RARB: variants seen among roughly 807,000 people sequenced by gnomAD.
RARB encodes HBV-activated protein.
RARB carries 17 observed loss-of-function variants against 51.9 expected under a neutral mutation model. That is an observed-to-expected ratio of 0.33 (90% CI 0.22 to 0.49). The LOEUF is 0.49. Among genes scored for constraint, RARB ranks in the 20% least tolerant of loss-of-function variants. The probability of loss-of-function intolerance (pLI) is 0.99; values close to 1 mark genes in which losing one functional copy is unlikely to be tolerated. For synonymous variants in RARB, 215 were observed against 195.4 expected (o/e 1.10, Z -0.84); for missense variants, 369 against 550.8 (o/e 0.67, Z 3.30).
chr3:25,592,647 C>T (rs1047546128), intron 5 of RARB, among the ~76,000 whole-genome samples: 6 of 152,228 alleles, frequency 3.9e-5, no homozygotes, highest in African/African-American at 1.4e-4. Flanking sequence ...TCCTTAGTAG[C>T]TAGCGCCCCA....
intron 5 of RARB, among the ~76,000 whole-genome samples, chr3:25,189,544 G>A (rs1701049348): frequency 1.3e-5 from 2 of 152,220 alleles, no homozygotes; most frequent in South Asian, 4.1e-4. Flanking sequence ...ACAGGTGATG[G>A]AAGATGTACA....
intron 3 of RARB, among the ~76,000 whole-genome samples, chr3:25,502,307 A>G (rs569053971): frequency 1.3e-5 from 2 of 152,202 alleles, no homozygotes; most frequent in Non-Finnish European, 2.9e-5. Flanking sequence ...TTATGAATCA[A>G]GGGCTCTTAG....
chr3:25,359,827 G>A (rs1429320590), intron 5 of RARB, among the ~76,000 whole-genome samples: 1 of 152,196 alleles, frequency 6.6e-6, no homozygotes, highest in Non-Finnish European at 1.5e-5. Context: ...TGATTGTACT[G>A]TGGTCTGAGA....
At chr3:25,006,100 T>C (rs899459321) in intron 2 of RARB, among the ~76,000 whole-genome samples, 5 of 152,128 alleles carry the variant, frequency 3.3e-5, no homozygotes, top group Admixed American at 3.3e-4. Context: ...TCTTTTGGTC[T>C]TTACTCAAAT....
At chr3:25,393,682 T>C (rs994790642) in intron 5 of RARB, among the ~76,000 whole-genome samples, 9 of 152,120 alleles carry the variant, frequency 5.9e-5, no homozygotes, top group African/African-American at 2.2e-4. Flanking sequence ...CATAAAGGTG[T>C]TCTAGTTTGT....
chr3:25,095,967 G>A (rs1015818218), intron 3 of RARB, among the ~76,000 whole-genome samples: 32 of 152,146 alleles, frequency 2.1e-4, no homozygotes, highest in African/African-American at 7.5e-4. Flanking sequence ...CACCGCCGGG[G>A]AAGTGAAGGG....
At chr3:25,547,720 A>G (rs1438550332) in intron 3 of RARB, among the ~76,000 whole-genome samples, 1 of 152,144 alleles carries the variant, frequency 6.6e-6, no homozygotes, top group Non-Finnish European at 1.5e-5. Context: ...TTGTTTATGG[A>G]TGGATGTATG....
intron 5 of RARB, among the ~76,000 whole-genome samples, chr3:25,337,302 A>G (rs577531606): frequency 8.5e-5 from 13 of 152,336 alleles, no homozygotes; most frequent in African/African-American, 2.6e-4. Context: ...AAAGTATTGT[A>G]TGTATAAACA....
chr3:25,488,938 GTA>G (rs1696597162), intron 2 of RARB, among the ~76,000 whole-genome samples: 1 of 152,174 alleles, frequency 6.6e-6, no homozygotes, highest in South Asian at 2.1e-4. Context: ...TCTCTCCAGT[GTA>G]ATCAAAAGGC....
At chr3:25,440,301 G>A (rs1437767599) in intron 1 of RARB, among the ~76,000 whole-genome samples, 1 of 151,750 alleles carries the variant, frequency 6.6e-6, no homozygotes, top group Non-Finnish European at 1.5e-5. Flanking sequence ...AAAGAATTAT[G>A]TGGCCGTGGT....
intron 5 of RARB, among the ~76,000 whole-genome samples, chr3:25,189,392 T>C (rs1322278537): frequency 6.6e-6 from 1 of 152,110 alleles, no homozygotes; most frequent in Non-Finnish European, 1.5e-5. Flanking sequence ...TGAGAAACCA[T>C]GAATCTGAAG....
At chr3:25,007,712 A>G (rs1233265929) in intron 2 of RARB, among the ~76,000 whole-genome samples, 1 of 151,876 alleles carries the variant, frequency 6.6e-6, no homozygotes, top group African/African-American at 2.4e-5. Context: ...TCAAGTACCC[A>G]CCACACAATA....
chr3:24,985,652 G>C (rs927948520), intron 2 of RARB, among the ~76,000 whole-genome samples: 1 of 152,122 alleles, frequency 6.6e-6, no homozygotes, highest in Non-Finnish European at 1.5e-5. Context: ...TGGAAAAAGG[G>C]GGTTTGGAAA....
chr3:25,066,643 C>A (rs1335187695), intron 3 of RARB, among the ~76,000 whole-genome samples: 2 of 151,882 alleles, frequency 1.3e-5, no homozygotes, highest in African/African-American at 4.8e-5. Context: ...CTTTCTCTCT[C>A]TTACCCTGTC....
In RARB at chr3:25,309,486, CTTTTTTTTTTTTTTT is replaced by C. The variant is rs149976069; in HGVS notation, c.178+134926_178+134940del. ...CTGATTCCTTAACATCTCATAGTTG[CTTTTTTTTTTTTTTT>C]TTTTTTTTTTTTTTGAGATAGAGTC... On this transcript the variant is annotated intron_variant, in intron 5 of 11. Coordinates refer to the RARB transcript ENST00000383772. Among the ~76,000 whole-genome samples the C allele has an allele frequency of 6.9e-5, 4 of 58,084 alleles. 1 individual carries two copies. The highest frequency in any genetic ancestry group is 1.3e-4 in the Non-Finnish European group (4 of 31,102). 38.1% of individuals were successfully genotyped at this position (58,084 alleles called of 152,430 possible). A position where few individuals can be genotyped will look rare whatever the true frequency, so the allele number is the denominator to read the frequency against.
At chr3:25,378,438 C>T (rs1706527975) in intron 5 of RARB, among the ~76,000 whole-genome samples, 1 of 152,144 alleles carries the variant, frequency 6.6e-6, no homozygotes, top group South Asian at 2.1e-4. Flanking sequence ...TTGGCTTCAT[C>T]CTATACCCCT....
chr3:25,498,742 A>C (rs924258096), intron 2 of RARB, among the ~76,000 whole-genome samples: 1 of 152,176 alleles, frequency 6.6e-6, no homozygotes, highest in Non-Finnish European at 1.5e-5. Context: ...ACCTTTGTCC[A>C]TACCTCATTT....
intron 5 of RARB, among the ~76,000 whole-genome samples, chr3:25,234,069 G>A (rs771880515): frequency 2.0e-5 from 3 of 151,970 alleles, no homozygotes; most frequent in South Asian, 2.1e-4. Context: ...TAATGTTGGC[G>A]TCATTAACAG....
chr3:25,000,459 T>C (rs1460304333), intron 2 of RARB, among the ~76,000 whole-genome samples: 1 of 152,188 alleles, frequency 6.6e-6, no homozygotes, highest in Non-Finnish European at 1.5e-5. Context: ...TTTTGCATTT[T>C]CTTTTATCTT....
Sources: allele counts gnomAD v4.1 joint callset (sites outside exome capture counted in the v4.1 genomes callset), GRCh38; gene constraint gnomAD v4.1.1; transcripts MANE v1.5; gene names NCBI Gene and HGNC (gene_info 2026-07-23, HGNC 2026-07-21).